GUCY1A2: variants seen among roughly 807,000 people sequenced by gnomAD.
GUCY1A2 encodes the protein guanylate cyclase soluble subunit alpha-2.
A neutral mutation model predicts 63.5 loss-of-function variants in GUCY1A2; 27 were observed. The observed-to-expected ratio is 0.43, with a 90% CI of 0.31 to 0.59. The LOEUF (loss-of-function observed/expected upper bound fraction) is 0.59. Ranked by LOEUF, GUCY1A2 falls within the 20% of genes least tolerant of loss-of-function variation. The probability of loss-of-function intolerance (pLI) is 0.11; values close to 1 mark genes in which losing one functional copy is unlikely to be tolerated. For synonymous variants in GUCY1A2, 364 were observed against 343.5 expected (o/e 1.06, Z -0.66); for missense variants, 768 against 913.3 (o/e 0.84, Z 2.05).
intron 4 of GUCY1A2, among the ~76,000 whole-genome samples, chr11:106,871,254 C>T (rs1223048005): frequency 2.0e-5 from 3 of 151,934 alleles, no homozygotes; most frequent in African/African-American, 7.2e-5. Context: ...ATATTTTGAT[C>T]TAATTTCAAA....
intron 6 of GUCY1A2, among the ~76,000 whole-genome samples, chr11:106,712,144 T>C (rs373931352): frequency 6.6e-5 from 10 of 152,236 alleles, no homozygotes; most frequent in African/African-American, 2.4e-4. Flanking sequence ...GAGATTCCAA[T>C]TACACATATG....
intron 4 of GUCY1A2, among the ~76,000 whole-genome samples, chr11:106,909,300 C>T (rs1018820042): frequency 3.7e-4 from 55 of 147,528 alleles, no homozygotes; most frequent in African/African-American, 1.4e-3. Flanking sequence ...ACATTGGAAA[C>T]AATATTGACA....
intron 7 of GUCY1A2, among the ~76,000 whole-genome samples, 169 bp downstream of exon 7, chr11:106,708,343 A>G (rs1219983432): frequency 6.6e-6 from 1 of 152,090 alleles, no homozygotes; most frequent in Admixed American, 6.6e-5. Context: ...ACAGAGTGCA[A>G]ATAAAAGTTT....
At chr11:106,945,686 C>T (rs1338832047) in intron 3 of GUCY1A2, among the ~76,000 whole-genome samples, 6 of 152,164 alleles carry the variant, frequency 3.9e-5, no homozygotes, top group Admixed American at 1.3e-4. Context: ...TGATACAGGC[C>T]GGGTGCGGTG....
intron 4 of GUCY1A2, among the ~76,000 whole-genome samples, chr11:106,842,798 G>A (rs1266638684): frequency 1.3e-5 from 2 of 151,890 alleles, no homozygotes; most frequent in African/African-American, 2.4e-5. Context: ...AGGTCCCACT[G>A]GAGCTTGTGA....
At chr11:106,987,479 T>C (rs1434061082) in intron 1 of GUCY1A2, among the ~76,000 whole-genome samples, 2 of 152,102 alleles carry the variant, frequency 1.3e-5, no homozygotes, top group African/African-American at 4.8e-5. Context: ...GGTGAAACCC[T>C]GTCTCTACTA....
At position 106,674,724 on chromosome 11, in the gene GUCY1A2, G is replaced by A. The variant is rs1341852616; in HGVS notation, c.*12825C>T. 1.0e-5 allele frequency: 2 copies of A among 200,910 alleles called. No homozygotes were observed. Among genetic ancestry groups the A allele is most frequent in the Admixed American group, 6.0e-5 (1 of 16,598 alleles). The allele number at this position is 200,910 out of a possible 1,614,324, so 12.4% of individuals were successfully genotyped here. On this transcript the variant is annotated 3_prime_UTR_variant, in exon 8 of 8. Coordinates refer to ENST00000526355, the MANE Select transcript of GUCY1A2 (RefSeq NM_000855.3). ...TCACAAAGTAAATCTAATAACAAAG[G>A]AGCAGATATACAATATGATTTACAT... is the stretch of plus-strand genomic sequence containing the variant.
chr11:106,694,476 T>A (rs2135338269), intron 7 of GUCY1A2, among the ~76,000 whole-genome samples: 1 of 152,292 alleles, frequency 6.6e-6, no homozygotes, highest in African/African-American at 2.4e-5. Flanking sequence ...AAAATAAGAT[T>A]GACCTGACAA....
At chr11:106,889,654 G>A (rs1444244668) in intron 4 of GUCY1A2, among the ~76,000 whole-genome samples, 1 of 152,118 alleles carries the variant, frequency 6.6e-6, no homozygotes, top group Non-Finnish European at 1.5e-5. Flanking sequence ...CTCTTGAGAT[G>A]TCTGCAAAAC....
intron 6 of GUCY1A2, among the ~76,000 whole-genome samples, chr11:106,748,856 A>G (rs1253577981): frequency 6.6e-6 from 1 of 151,280 alleles, no homozygotes; most frequent in Non-Finnish European, 1.5e-5. Flanking sequence ...ATAGAACAGA[A>G]TAACACAGCG....
intron 2 of GUCY1A2, among the ~76,000 whole-genome samples, chr11:106,980,130 G>A (rs1407832645): frequency 6.6e-6 from 1 of 152,192 alleles, no homozygotes; most frequent in Non-Finnish European, 1.5e-5. Flanking sequence ...TATCGACAAG[G>A]AAAAGAAATA....
In GUCY1A2 at chr11:106,675,553, A is replaced by G. The variant is rs2135323000; in HGVS notation, c.*11996T>C. 5.1e-6 allele frequency: 1 copy of G among 196,308 alleles called. No homozygotes were observed. Among genetic ancestry groups the G allele is most frequent in the South Asian group, 1.9e-4 (1 of 5,196 alleles). 12.2% of individuals were successfully genotyped at this position (196,308 alleles called of 1,614,324 possible). A position where few individuals can be genotyped will look rare whatever the true frequency, so the allele number is the denominator to read the frequency against. Reference sequence around the variant, plus strand: ...AATAGAGGGAAAAATGGGACTGTGGATTACAACTGTTCAAATTTCATCTTA... The same window carrying G: ...AATAGAGGGAAAAATGGGACTGTGGGTTACAACTGTTCAAATTTCATCTTA... On this transcript the variant is annotated 3_prime_UTR_variant, in exon 8 of 8. Transcript: ENST00000526355.
chr11:106,792,905 G>T lies in GUCY1A2; in HGVS notation c.1693-16323C>A, dbSNP rs557004490. On this transcript the variant is annotated intron_variant, in intron 5 of 7. Coordinates refer to ENST00000526355, the MANE Select transcript of GUCY1A2 (RefSeq NM_000855.3). ...AAGACACATCAGTGGAAAAATATCT[G>T]TTCATGGAATGGAAAAATTAATATT... is the stretch of plus-strand genomic sequence containing the variant. 2.0e-5 allele frequency among the ~76,000 whole-genome samples: 3 copies of T among 152,194 alleles called. No individual in the cohort carries two copies. In the East Asian group the frequency reaches 5.8e-4, roughly 29 times the overall value.
intron 4 of GUCY1A2, among the ~76,000 whole-genome samples, chr11:106,898,470 T>C (rs555918069): frequency 1.3e-5 from 2 of 152,206 alleles, no homozygotes; most frequent in South Asian, 4.1e-4. Flanking sequence ...GGTGAGTAAA[T>C]ACACTCTGAA....
intron 3 of GUCY1A2, among the ~76,000 whole-genome samples, chr11:106,970,826 T>A (rs7119611): frequency 0.014 from 2,087 of 151,868 alleles, 29 homozygotes; most frequent in South Asian, 0.048. Context: ...CAAGGTATCC[T>A]TCAATTAATG....
At chr11:106,813,148 AGGTTT>A (rs1165392064) in intron 4 of GUCY1A2, among the ~76,000 whole-genome samples, 5 of 152,012 alleles carry the variant, frequency 3.3e-5, no homozygotes, top group Admixed American at 1.3e-4. Context: ...CATCTATCTA[AGGTTT>A]TATTGCATCT....
At chr11:106,814,653 G>A (rs1858807309) in intron 4 of GUCY1A2, among the ~76,000 whole-genome samples, 1 of 152,040 alleles carries the variant, frequency 6.6e-6, no homozygotes, top group East Asian at 1.9e-4. Flanking sequence ...CCCTCAAGCA[G>A]CATTACCAAG....
chr11:106,792,284 G>A lies in GUCY1A2; in HGVS notation c.1693-15702C>T, dbSNP rs1406845103. On this transcript the variant is annotated intron_variant, in intron 5 of 7. Coordinates refer to ENST00000526355, the MANE Select transcript of GUCY1A2 (RefSeq NM_000855.3). ...GCCTGTAATCCCAGCTACTGGGGAG[G>A]CTGAGGCAGGACAATCACTTGAATC... 2.0e-5 allele frequency among the ~76,000 whole-genome samples: 3 copies of A among 151,768 alleles called. No individual in the cohort carries two copies. In the East Asian group the frequency reaches 5.8e-4, roughly 30 times the overall value.
rs1366891174 is a variant in GUCY1A2 at position 106,686,205 on chromosome 11, G to A, written c.*1344C>T. 3 of 217,606 alleles carry A rather than the reference G, an allele frequency of 1.4e-5. No homozygotes were observed. The highest frequency in any genetic ancestry group is 6.8e-5 in the East Asian group (1 of 14,764). The allele number at this position is 217,606 out of a possible 1,614,324, so 13.5% of individuals were successfully genotyped here. The stretch of plus-strand genomic sequence containing the variant: ...CACCTGATGCTCCTAATTTTAGTGT[G>A]AGCCAGTAATATTTTCATGCAGTAT... On this transcript the variant is annotated 3_prime_UTR_variant, in exon 8 of 8. Transcript: ENST00000526355.
Sources: gnomAD v4.1 joint callset for allele counts (sites outside exome capture counted in the v4.1 genomes callset) on GRCh38, gnomAD v4.1.1 for gene constraint, MANE v1.5 for transcripts, NCBI Gene and HGNC (gene_info 2026-07-23, HGNC 2026-07-21) for gene names.